The following GSTCD variants were observed in gnomAD, a reference collection of about 807,000 sequenced individuals.
GSTCD encodes glutathione S-transferase C-terminal domain-containing protein.
GSTCD carries 44 observed loss-of-function variants against 68.3 expected under a neutral mutation model. The ratio of observed to expected loss-of-function variants is 0.64; its 90% CI spans 0.51 to 0.83. GSTCD has a LOEUF of 0.83. GSTCD is among the 40% of genes least tolerant of loss of function. The probability of loss-of-function intolerance (pLI) is 0.00; values close to 1 mark genes in which losing one functional copy is unlikely to be tolerated. For missense variants in GSTCD, 739 were observed against 735.9 expected (o/e 1.00, Z -0.05); for synonymous variants, 273 against 255.2 (o/e 1.07, Z -0.67).
chr4:105,826,892 A>C (rs1269219372), intron 8 of GSTCD, among the ~76,000 whole-genome samples: 1 of 152,082 alleles, frequency 6.6e-6, no homozygotes, highest in Non-Finnish European at 1.5e-5. Context: ...CAGACCTTTT[A>C]TAGTATTTCT....
At chr4:105,717,158 C>T (rs1732704427) in intron 1 of GSTCD, among the ~76,000 whole-genome samples, 1 of 152,158 alleles carries the variant, frequency 6.6e-6, no homozygotes, top group African/African-American at 2.4e-5. Flanking sequence ...AATATCCCCT[C>T]CCTATTATTT....
chr4:105,767,039 C>T (rs1734642818), intron 5 of GSTCD, among the ~76,000 whole-genome samples: 1 of 151,780 alleles, frequency 6.6e-6, no homozygotes, highest in South Asian at 2.1e-4. Context: ...TGAATTGAGT[C>T]GCCCCCAGAA....
chr4:105,751,031 A>G (rs905548423), intron 5 of GSTCD, among the ~76,000 whole-genome samples: 1 of 152,162 alleles, frequency 6.6e-6, no homozygotes, highest in Non-Finnish European at 1.5e-5. Flanking sequence ...TTGTTACACA[A>G]CTTTATACAT....
chr4:105,789,335 C>G (rs756405645), intron 5 of GSTCD, among the ~76,000 whole-genome samples: 9 of 152,092 alleles, frequency 5.9e-5, no homozygotes, highest in Non-Finnish European at 1.2e-4. Context: ...GTCCAGCAAT[C>G]CTGGGATGGC....
chr4:105,794,724 G>A (rs1735804269), intron 5 of GSTCD, among the ~76,000 whole-genome samples: 1 of 151,050 alleles, frequency 6.6e-6, no homozygotes, highest in Admixed American at 6.6e-5. Flanking sequence ...ATTCATATAT[G>A]AAATAAACTT....
chr4:105,786,709 G>A (rs1265686883), intron 5 of GSTCD, among the ~76,000 whole-genome samples: 1 of 152,064 alleles, frequency 6.6e-6, no homozygotes, highest in Non-Finnish European at 1.5e-5. Context: ...TCAAATAAGA[G>A]ATATGGGTAA....
intron 5 of GSTCD, among the ~76,000 whole-genome samples, chr4:105,805,093 G>A (rs1722437292): frequency 6.6e-6 from 1 of 151,918 alleles, no homozygotes; most frequent in African/African-American, 2.4e-5. Flanking sequence ...TAATTGAAAA[G>A]GGATATTATA....
chr4:105,791,260 G>C (rs958753104), intron 5 of GSTCD, among the ~76,000 whole-genome samples: 4 of 151,852 alleles, frequency 2.6e-5, no homozygotes, highest in Non-Finnish European at 4.4e-5. Context: ...GGGCGTGGTG[G>C]TGGGCGCCTG....
intron 5 of GSTCD, among the ~76,000 whole-genome samples, chr4:105,820,387 G>A (rs1053580819): frequency 1.1e-4 from 17 of 151,670 alleles, no homozygotes; most frequent in African/African-American, 3.1e-4. Flanking sequence ...TTCTTTTTCC[G>A]TGACACTAGA....
At chr4:105,796,259 G>T (rs901860341) in intron 5 of GSTCD, among the ~76,000 whole-genome samples, 1 of 152,142 alleles carries the variant, frequency 6.6e-6, no homozygotes, top group African/African-American at 2.4e-5. Context: ...ATCAGATCTC[G>T]TGAGATTTAT....
chr4:105,776,083 C>A (rs1735048379), intron 5 of GSTCD, among the ~76,000 whole-genome samples: 1 of 152,222 alleles, frequency 6.6e-6, no homozygotes, highest in African/African-American at 2.4e-5. Flanking sequence ...GCTACAGCAG[C>A]TTTGCTGGAC....
intron 5 of GSTCD, 90 bp downstream of exon 5, chr4:105,729,589 T>C (rs1733160762): frequency 1.3e-6 from 1 of 773,380 alleles, no homozygotes; most frequent in African/African-American, 1.8e-5. Context: ...CCTTTGGCTT[T>C]ATCTAATATT....
At chr4:105,789,215 A>G (rs1735574039) in intron 5 of GSTCD, among the ~76,000 whole-genome samples, 1 of 152,304 alleles carries the variant, frequency 6.6e-6, no homozygotes, top group African/African-American at 2.4e-5. Context: ...AACTCTTTAT[A>G]TAACAGAAAA....
intron 8 of GSTCD, among the ~76,000 whole-genome samples, chr4:105,833,429 C>A (rs1363803550): frequency 6.6e-6 from 1 of 151,692 alleles, no homozygotes; most frequent in Non-Finnish European, 1.5e-5. Context: ...TGCCATTGCA[C>A]TCCAGCCTGG....
At chr4:105,840,949 G>A (rs936572999) in intron 10 of GSTCD, among the ~76,000 whole-genome samples, 3 of 152,138 alleles carry the variant, frequency 2.0e-5, no homozygotes, top group African/African-American at 7.2e-5. Context: ...CTACCACCCT[G>A]CTGGATATCC....
intron 1 of GSTCD, 109 bp from the exon 2 acceptor site, chr4:105,717,484 C>T (rs1387481211): frequency 1.4e-6 from 1 of 703,726 alleles, no homozygotes; most frequent in Non-Finnish European, 2.3e-6. Flanking sequence ...TTATTATCTA[C>T]TGCAAATTTT....
intron 1 of GSTCD, among the ~76,000 whole-genome samples, chr4:105,709,923 A>G (rs1202111284): frequency 6.6e-6 from 1 of 152,194 alleles, no homozygotes; most frequent in Non-Finnish European, 1.5e-5. Context: ...TAACACAACT[A>G]AGTGATTCGC....
chr4:105,741,605 CTTA>C (rs1160407320), intron 5 of GSTCD, among the ~76,000 whole-genome samples: 5 of 152,122 alleles, frequency 3.3e-5, no homozygotes, highest in African/African-American at 7.2e-5. Flanking sequence ...AATATTTTCA[CTTA>C]TTAGTATGAG....
chr4:105,818,829 G>GT (rs1292398830), intron 5 of GSTCD, among the ~76,000 whole-genome samples: 1 of 151,678 alleles, frequency 6.6e-6, no homozygotes, highest in Non-Finnish European at 1.5e-5. Flanking sequence ...GTTCAAAATG[G>GT]TTTAATGAGT....
Sources: gnomAD v4.1 joint callset for allele counts (sites outside exome capture counted in the v4.1 genomes callset) on GRCh38, gnomAD v4.1.1 for gene constraint, MANE v1.5 for transcripts, NCBI Gene and HGNC (gene_info 2026-07-23, HGNC 2026-07-21) for gene names.